Variants in KLK4 observed in about 807,000 individuals in gnomAD.
KLK4 encodes kallikrein related peptidase 4.
In KLK4, 24 loss-of-function variants were observed where a neutral mutation model predicts 24.3. The observed-to-expected ratio is 0.99, with a 90% CI of 0.72 to 1.39. KLK4 has a LOEUF of 1.39. Ranked by LOEUF, KLK4 falls within the 40% of genes most tolerant of loss-of-function variation. The probability of loss-of-function intolerance (pLI) is 0.00; values close to 1 mark genes in which losing one functional copy is unlikely to be tolerated. For missense variants in KLK4, 344 were observed against 327.4 expected (o/e 1.05, Z -0.39); for synonymous variants, 142 against 138.8 (o/e 1.02, Z -0.16).
At chr19:50,907,000 C>A in exon 6 of KLK4, 1 of 1,614,150 alleles carries the variant, frequency 6.2e-7, no homozygotes, top group Non-Finnish European at 8.5e-7. Flanking sequence ...AGACACCTGG[C>A]ACGCCAACTT....
chr19:50,911,177 T>C (rs1383330740), intron 1 of KLK4, among the ~76,000 whole-genome samples, 162 bp downstream of exon 1: 1 of 152,094 alleles, frequency 6.6e-6, no homozygotes, highest in Non-Finnish European at 1.5e-5. Context: ...GAGAGACCCC[T>C]AACTAGAGAC....
chr19:50,908,029 C>A, intron 5 of KLK4: 1 of 433,564 alleles, frequency 2.3e-6, no homozygotes. Flanking sequence ...TAGGCTATTT[C>A]TAGTCAGGTT....
chr19:50,909,231 T>C (rs899015465), intron 3 of KLK4, 21 bp downstream of exon 3: 1 of 1,611,784 alleles, frequency 6.2e-7, no homozygotes, highest in Non-Finnish European at 8.5e-7. Context: ...CCCTGCCCAC[T>C]CCCCCTACCT....
In KLK4 at chr19:50,910,665, C is replaced by T. The variant is rs769567679; in HGVS notation, c.61+13G>A. The T allele has an allele frequency of 1.5e-5, 24 of 1,553,172 alleles. No individual in the cohort carries two copies. Among genetic ancestry groups the T allele is most frequent in the Non-Finnish European group, 2.6e-6 (3 of 1,147,488 alleles). The stretch of plus-strand genomic sequence containing the variant: ...CCAAGCACGGACAGACACACACACG[C>T]ATACTCAGATACCTGCGACACCAAG... On this transcript the variant is annotated intron_variant, in intron 2 of 5. Transcript: ENST00000324041. The surrounding 1 kb of genome is among the most constrained non-coding windows in gnomAD (Gnocchi z 4.4).
exon 6 of KLK4, chr19:50,906,752 G>A: frequency 5.0e-6 from 3 of 601,944 alleles, no homozygotes; most frequent in East Asian, 2.8e-5. Context: ...AGGGGCTGGG[G>A]GGTCTGGACT....
At position 50,910,642 on chromosome 19, in the gene KLK4, A is replaced by C; in HGVS notation, c.61+36T>G. 6.5e-7 allele frequency: 1 copy of C among 1,541,670 alleles called. No homozygotes were observed. The highest frequency in any genetic ancestry group is 1.2e-5 in the South Asian group (1 of 83,872). ...GAACATTAACAAACACTGTGCCCCC[A>C]AGCACGGACAGACACACACACGCAT... On this transcript the variant is annotated intron_variant, in intron 2 of 5. Transcript: ENST00000324041. This position sits in a 1 kb window ranked among gnomAD's most constrained non-coding sequence, Gnocchi z 4.4.
chr19:50,907,805 C>A (rs147364077), intron 5 of KLK4, among the ~76,000 whole-genome samples: 63 of 152,256 alleles, frequency 4.1e-4, no homozygotes, highest in African/African-American at 1.3e-3. Flanking sequence ...CCTTGAACAA[C>A]CCTGGTTTGA....
At position 50,908,342 on chromosome 19, in the gene KLK4, C is replaced by G. The variant is rs1172196787; in HGVS notation, c.612+17G>C. The G allele has an allele frequency of 6.2e-7, 1 of 1,611,778 alleles. No individual in the cohort carries two copies. Among genetic ancestry groups the G allele is most frequent in the Admixed American group, 1.7e-5 (1 of 60,000 alleles). ...CCCTTCCCTGAGTCGCCTGCCCTCC[C>G]CTTTCCCCTCTCTCACGTTGCAGGA... On this transcript the variant is annotated intron_variant, in intron 5 of 5. Transcript: ENST00000324041.
In KLK4 at chr19:50,910,120, G is replaced by T. The variant is rs991993854; in HGVS notation, c.61+558C>A. 6.6e-6 allele frequency among the ~76,000 whole-genome samples: 1 copy of T among 152,008 alleles called. No homozygotes were observed. Among genetic ancestry groups the T allele is most frequent in the Non-Finnish European group, 1.5e-5 (1 of 67,980 alleles). Reference sequence around the variant, plus strand: ...GAATTAAAGCTCAGGGGGTGGAGTTGTTGCTGGGAGCAAGGATCGGGTCAC... The same window carrying T: ...GAATTAAAGCTCAGGGGGTGGAGTTTTTGCTGGGAGCAAGGATCGGGTCAC... On this transcript the variant is annotated intron_variant, in intron 2 of 5. Transcript: ENST00000324041. The surrounding 1 kb of genome is among the most constrained non-coding windows in gnomAD (Gnocchi z 4.4).
exon 6 of KLK4, chr19:50,906,825 G>A (rs1164655594): frequency 1.5e-6 from 2 of 1,368,918 alleles, no homozygotes; most frequent in Non-Finnish European, 2.1e-6. Flanking sequence ...GAGGGGCTGG[G>A]GGCCTGGACT....
At chr19:50,908,631 G>A (rs2090456224) in exon 4 of KLK4, 1 of 1,614,222 alleles carries the variant, frequency 6.2e-7, no homozygotes, top group Middle Eastern at 1.6e-4. Flanking sequence ...CCGCGGTAGG[G>A]CACTGCGAAG....
At chr19:50,909,478 C>T (rs754469647) in intron 2 of KLK4, 64 bp from the exon 3 acceptor site, 5 of 1,538,446 alleles carry the variant, frequency 3.3e-6, no homozygotes, top group Non-Finnish European at 4.4e-6. Context: ...TGGGGGTGGG[C>T]TTACCGAGCA....
At chr19:50,908,284 C>T (rs575495005) in intron 5 of KLK4, 75 bp downstream of exon 5, 21 of 1,561,440 alleles carry the variant, frequency 1.3e-5, no homozygotes, top group East Asian at 9.0e-5. Flanking sequence ...TCTCGCCATG[C>T]GGCCCTGTGT....
intron 5 of KLK4, 103 bp from the exon 6 acceptor site, chr19:50,907,189 C>A: frequency 3.3e-6 from 4 of 1,197,736 alleles, no homozygotes; most frequent in Non-Finnish European, 4.9e-6. Context: ...AAGACAGAAC[C>A]ATCATCAATA....
exon 6 of KLK4, chr19:50,906,896 AT>A (rs755895757): frequency 2.0e-5 from 32 of 1,612,944 alleles, no homozygotes; most frequent in Non-Finnish European, 2.7e-5. Flanking sequence ...CGCAGGATGT[AT>A]TTGGGGGTCA....
At chr19:50,906,761 C>T in exon 6 of KLK4, 1 of 650,000 alleles carries the variant, frequency 1.5e-6, no homozygotes, top group Non-Finnish European at 2.7e-6. Flanking sequence ...GGGGTCTGGA[C>T]TCCTGGGTCT....
In KLK4 at chr19:50,910,849, T is replaced by C; in HGVS notation, c.-11-100A>G. 9.5e-7 allele frequency: 1 copy of C among 1,054,330 alleles called. No homozygotes were observed. Among genetic ancestry groups the C allele is most frequent in the Non-Finnish European group, 1.4e-6 (1 of 697,918 alleles). The allele number at this position is 1,054,330 out of a possible 1,614,324, so 65.3% of individuals were successfully genotyped here. ...TCCCTTTCTTCCCTCTGGGACGTTA[T>C]TAGGTAGGCAAGAGCCTAGACCATC... On this transcript the variant is annotated intron_variant, in intron 1 of 5. Transcript: ENST00000324041. The surrounding 1 kb of genome is among the most constrained non-coding windows in gnomAD (Gnocchi z 4.4).
Position 50,907,102 on chromosome 19 carries a change from G to A in KLK4, c.613-16C>T. 1 of 1,613,858 alleles carries A rather than the reference G, an allele frequency of 6.2e-7. No homozygotes were observed. Among genetic ancestry groups the A allele is most frequent in the Non-Finnish European group, 8.5e-7 (1 of 1,179,926 alleles). On this transcript the variant is annotated splice_polypyrimidine_tract_variant and intron_variant, in intron 5 of 5. Coordinates refer to ENST00000324041, the Ensembl canonical transcript of KLK4. ...CAGAGTCACCCTGTTGTGAAGAGAG[G>A]GAGAGTCAGAATTCAAAACACAGAG...
At chr19:50,907,110 A>C in intron 5 of KLK4, 24 bp from the exon 6 acceptor site, 7 of 1,613,506 alleles carry the variant, frequency 4.3e-6, no homozygotes, top group Non-Finnish European at 5.9e-6. Context: ...AGGGAGAGTC[A>C]GAATTCAAAA....
Sources: allele counts gnomAD v4.1 joint callset (sites outside exome capture counted in the v4.1 genomes callset), GRCh38; gene constraint gnomAD v4.1.1; non-coding constraint Gnocchi (gnomAD v3.1); transcripts MANE v1.5; gene names NCBI Gene and HGNC (gene_info 2026-07-23, HGNC 2026-07-21).